PRPSAP1: variants seen among roughly 807,000 people sequenced by gnomAD.
The protein encoded by PRPSAP1 is phosphoribosyl pyrophosphate synthase-associated protein 1.
In PRPSAP1, 31 loss-of-function variants were observed where a neutral mutation model predicts 39.4. That is an observed-to-expected ratio of 0.79 (90% CI 0.59 to 1.06). The LOEUF is 1.06. Among genes scored for constraint, PRPSAP1 ranks in the 50% least tolerant of loss-of-function variants. The pLI, the probability that PRPSAP1 is intolerant of heterozygous loss-of-function variation, is 0.00. For synonymous variants in PRPSAP1, 212 were observed against 192.6 expected (o/e 1.10, Z -0.83); for missense variants, 430 against 511.6 (o/e 0.84, Z 1.54).
chr17:76,313,740 GA>G, intron 8 of PRPSAP1, 80 bp downstream of exon 8: 1 of 1,461,922 alleles, frequency 6.8e-7, no homozygotes, highest in Non-Finnish European at 9.6e-7. Flanking sequence ...ATCGTTCCTA[GA>G]AATACAGTCC....
At chr17:76,324,851 G>A (rs2071235108) in intron 7 of PRPSAP1, among the ~76,000 whole-genome samples, 3 of 151,476 alleles carry the variant, frequency 2.0e-5, no homozygotes, top group South Asian at 4.2e-4. Context: ...CATGAGGTCA[G>A]GAGATCGAGA....
intron 3 of PRPSAP1, among the ~76,000 whole-genome samples, chr17:76,341,429 G>A (rs1384483290): frequency 6.6e-6 from 1 of 151,844 alleles, no homozygotes; most frequent in East Asian, 1.9e-4. Context: ...TTGTAGAGAT[G>A]GAGTCTCACT....
At chr17:76,329,547 G>A (rs2071296610) in intron 6 of PRPSAP1, among the ~76,000 whole-genome samples, 1 of 152,000 alleles carries the variant, frequency 6.6e-6, no homozygotes, top group African/African-American at 2.4e-5. Flanking sequence ...CTAGTCTGAT[G>A]AACATGGTGA....
chr17:76,329,320 T>A (rs536134055), intron 6 of PRPSAP1, among the ~76,000 whole-genome samples: 1 of 152,210 alleles, frequency 6.6e-6, no homozygotes, highest in Middle Eastern at 3.4e-3. Flanking sequence ...CGCTTTGGCC[T>A]CCCAAAGTGC....
intron 3 of PRPSAP1, among the ~76,000 whole-genome samples, chr17:76,338,400 G>A (rs919095611): frequency 6.6e-6 from 1 of 152,172 alleles, no homozygotes; most frequent in Non-Finnish European, 1.5e-5. Context: ...CTATGTAACC[G>A]CAGATAATAT....
chr17:76,332,170 C>T (rs2071328566), intron 4 of PRPSAP1, 93 bp downstream of exon 4: 1 of 1,419,330 alleles, frequency 7.0e-7, no homozygotes, highest in Non-Finnish European at 9.6e-7. Context: ...ACACTCAGAT[C>T]CCAGATTGGA....
At chr17:76,312,821 C>T in intron 9 of PRPSAP1, 49 bp downstream of exon 9, 1 of 1,569,202 alleles carries the variant, frequency 6.4e-7, no homozygotes, top group Non-Finnish European at 8.6e-7. Flanking sequence ...TTATTATTCC[C>T]AGAAAACACA....
At chr17:76,316,733 C>T (rs1456939349) in intron 7 of PRPSAP1, among the ~76,000 whole-genome samples, 1 of 152,204 alleles carries the variant, frequency 6.6e-6, no homozygotes, top group Non-Finnish European at 1.5e-5. Context: ...AAAACTACAT[C>T]AGCTGCAGTG....
intron 7 of PRPSAP1, among the ~76,000 whole-genome samples, chr17:76,325,268 G>T (rs2143484341): frequency 6.7e-6 from 1 of 150,136 alleles, no homozygotes; most frequent in South Asian, 2.1e-4. Context: ...AATTACCCGG[G>T]CGTGGTAGCG....
chr17:76,352,059 C>T (rs565691337), intron 1 of PRPSAP1, among the ~76,000 whole-genome samples: 105 of 149,848 alleles, frequency 7.0e-4, no homozygotes, highest in Middle Eastern at 3.4e-3. Flanking sequence ...TCCAAAACTC[C>T]AACTATTAAA....
chr17:76,312,870 C>G lies in PRPSAP1; in HGVS notation c.999G>C (p.Glu333Asp), dbSNP rs2071082931. The change falls in exon 9 of 10, where the codon GAG (glutamate) becomes GAC (aspartate). Residue 333 changes from glutamate (E) to aspartate (D), a missense_variant and splice_region_variant. Around this residue, in one of 2 missense-constraint regions of PRPSAP1, gnomAD observed 278 missense variants for 376.3 expected, o/e 0.74. Transcript: ENST00000446526. Reference sequence around the variant, plus strand: ...GCTCAAGATTTAGAAGCAGCCTGACCTCGTCTACGGAGGACTCCTCAATCA... The same window carrying G: ...GCTCAAGATTTAGAAGCAGCCTGACGTCGTCTACGGAGGACTCCTCAATCA... ...PRLIEESSVD[E>D]VVVTNTVPHE... 5.6e-6 allele frequency: 9 copies of G among 1,605,790 alleles called. No homozygotes were observed. The highest frequency in any genetic ancestry group is 7.6e-6 in the Non-Finnish European group (9 of 1,177,612).
intron 3 of PRPSAP1, among the ~76,000 whole-genome samples, chr17:76,335,952 A>C (rs1256614034): frequency 6.6e-6 from 1 of 152,132 alleles, no homozygotes; most frequent in African/African-American, 2.4e-5. Context: ...ACTGCACTCC[A>C]ACCTGGGCAA....
chr17:76,348,503 A>T (rs573401344), intron 2 of PRPSAP1, 26 bp downstream of exon 2: 198 of 1,339,194 alleles, frequency 1.5e-4, no homozygotes, highest in Admixed American at 7.9e-4. Context: ...AAATAATTTT[A>T]AAAAAAAGAA....
At chr17:76,315,347 A>C (rs2071111355) in intron 7 of PRPSAP1, among the ~76,000 whole-genome samples, 1 of 152,236 alleles carries the variant, frequency 6.6e-6, no homozygotes, top group African/African-American at 2.4e-5. Flanking sequence ...GGGAAGCGAA[A>C]GAGAATAAAA....
At chr17:76,322,018 A>G (rs375730652) in intron 7 of PRPSAP1, among the ~76,000 whole-genome samples, 2 of 152,226 alleles carry the variant, frequency 1.3e-5, no homozygotes, top group East Asian at 1.9e-4. Context: ...CTAAGAGTGC[A>G]AGGTGAAGCA....
chr17:76,335,892 G>A (rs1332518019), intron 3 of PRPSAP1, among the ~76,000 whole-genome samples: 2 of 152,088 alleles, frequency 1.3e-5, no homozygotes, highest in Admixed American at 1.3e-4. Context: ...TATTCGGGAG[G>A]CTGAGGTGGG....
intron 3 of PRPSAP1, among the ~76,000 whole-genome samples, chr17:76,338,008 TTTAC>T (rs2071397027): frequency 6.6e-6 from 1 of 150,548 alleles, no homozygotes; most frequent in African/African-American, 2.5e-5. Flanking sequence ...AGCTTCATAT[TTTAC>T]TTAGTTCCAT....
At chr17:76,332,779 T>G (rs976501504) in intron 3 of PRPSAP1, among the ~76,000 whole-genome samples, 1 of 152,200 alleles carries the variant, frequency 6.6e-6, no homozygotes, top group Non-Finnish European at 1.5e-5. Flanking sequence ...CCCAGGGATT[T>G]GGGCTTAGGC....
In PRPSAP1 at chr17:76,311,584, C is replaced by T; in HGVS notation, c.1116G>A (p.Glu372=). The change falls in exon 10 of 10, where the codon GAG becomes GAA. Residue 372 remains glutamate (E), a synonymous_variant. Coordinates refer to ENST00000446526, the MANE Select transcript of PRPSAP1 (RefSeq NM_002766.3). ...TGTTTCGGAAAAGGTAGGCCATGGA[C>T]TCTCCATTGTGGATTCTCCGAATGG... The part of the protein sequence containing the change: ...SEAIRRIHNG[E]SMAYLFRNIT... 1 of 1,614,192 alleles carries T rather than the reference C, an allele frequency of 6.2e-7. No homozygotes were observed. The highest frequency in any genetic ancestry group is 8.5e-7 in the Non-Finnish European group (1 of 1,180,028).
Sources: gnomAD v4.1 joint callset for allele counts (sites outside exome capture counted in the v4.1 genomes callset) on GRCh38, gnomAD v4.1.1 for gene constraint, gnomAD v4.1.1 regional missense constraint, MANE v1.5 for transcripts, NCBI Gene and HGNC (gene_info 2026-07-23, HGNC 2026-07-21) for gene names.